The following DLC1 variants were observed in gnomAD, a reference collection of about 807,000 sequenced individuals.
DLC1 encodes the protein DLC1 Rho GTPase activating protein.
In DLC1, 54 loss-of-function variants were observed where a neutral mutation model predicts 140.3. The ratio of observed to expected loss-of-function variants is 0.38; its 90% CI spans 0.31 to 0.48. The LOEUF (loss-of-function observed/expected upper bound fraction) is 0.48. Ranked by LOEUF, DLC1 falls within the 20% of genes least tolerant of loss-of-function variation. The probability of loss-of-function intolerance (pLI) is 0.96; values close to 1 mark genes in which losing one functional copy is unlikely to be tolerated. For synonymous variants in DLC1, 986 were observed against 728.1 expected, an observed-to-expected ratio of 1.35 and a Z score of -5.70; for missense variants, 2,536 against 1,907.0, an observed-to-expected ratio of 1.33 and a Z score of -6.14.
rs374824320 is a variant in DLC1, at chr8:13,576,192, A to G, written c.-126+28345T>C. On this transcript the variant is annotated intron_variant, in intron 1 of 1. Coordinates refer to the DLC1 transcript ENST00000631382. ...ATCATGTATAGTTTTAATACTCTAC[A>G]TAAAGTGTAATAACCCGCATTGCTG... 4.9e-4 allele frequency among the ~76,000 whole-genome samples: 74 copies of G among 152,344 alleles called. 2 individuals are homozygous for G. In the South Asian group the frequency reaches 0.014, roughly 29 times the overall value.
rs1586220042 is a variant in DLC1 at position 13,368,545 on chromosome 8, T to G, written c.1314+25008A>C. ...TTAAATTTTTTTTTTTTTTTCTGCA[T>G]AGAAAAAAAAGTTCTTACAGAATGC... On this transcript the variant is annotated intron_variant, in intron 4 of 17. Transcript: ENST00000276297. 2.0e-5 allele frequency among the ~76,000 whole-genome samples: 3 copies of G among 150,658 alleles called. No individual in the cohort carries two copies. The South Asian group carries it at 6.3e-4, about 32-fold the overall frequency.
Position 13,099,349 on chromosome 8 carries a change from G to C in DLC1, c.2988C>G (p.Asn996Lys), listed in dbSNP as rs1276164373. ...GGAGGCAGGAGAAAAGTTCTTACCT[G>C]TTGGACCTGGTTAGGGAAGCCCCAA... ...SGVGASLTRS[N>K]RHRLRWHSFQ... Residue 996 changes from asparagine to lysine, a missense_variant and splice_region_variant, in exon 9 of 18, where the codon AAC becomes AAG. Physicochemically the swap from Asn to Lys is moderately conservative, Grantham distance 94 (BLOSUM62 0). Transcript: ENST00000276297. 5 of 1,612,746 alleles carry C rather than the reference G, an allele frequency of 3.1e-6. No individual in the cohort carries two copies. Among genetic ancestry groups the C allele is most frequent in the South Asian group, 2.2e-5 (2 of 90,896 alleles).
chr8:13,136,619 G>A (rs1822576991), intron 5 of DLC1, among the ~76,000 whole-genome samples: 1 of 152,190 alleles, frequency 6.6e-6, no homozygotes, highest in Non-Finnish European at 1.5e-5. Context: ...CTGAGGACAA[G>A]AGGATCCCAG....
At chr8:13,559,839 G>T (rs1277710610) in intron 1 of DLC1, among the ~76,000 whole-genome samples, 1 of 152,120 alleles carries the variant, frequency 6.6e-6, no homozygotes, top group Non-Finnish European at 1.5e-5. Context: ...ATTATATTTA[G>T]AATCTCATTT....
intron 1 of DLC1, among the ~76,000 whole-genome samples, chr8:13,555,388 A>G (rs1162989391): frequency 5.9e-5 from 9 of 152,214 alleles, no homozygotes; most frequent in Admixed American, 4.6e-4. Flanking sequence ...CAAGATAGCC[A>G]TAGCAACTTC....
At chr8:13,307,798 A>C (rs2117532892) in intron 4 of DLC1, among the ~76,000 whole-genome samples, 1 of 152,342 alleles carries the variant, frequency 6.6e-6, no homozygotes, top group Non-Finnish European at 1.5e-5. Flanking sequence ...AAATCCTGGA[A>C]GGTAAAGTAA....
chr8:13,093,526 T>C (rs1563575165), intron 12 of DLC1, among the ~76,000 whole-genome samples: 1 of 152,180 alleles, frequency 6.6e-6, no homozygotes. Context: ...ATAAACAATC[T>C]ACAGGTAGAA....
At chr8:13,365,352 G>A (rs1016973659) in intron 4 of DLC1, among the ~76,000 whole-genome samples, 1 of 152,136 alleles carries the variant, frequency 6.6e-6, no homozygotes, top group African/African-American at 2.4e-5. Flanking sequence ...CCACGCCTTT[G>A]GTGGTAAGTG....
At chr8:13,451,037 CAAAAAAAAAAAAAAAAAAAA>C (rs1169620786) in intron 2 of DLC1, among the ~76,000 whole-genome samples, 1 of 18,380 alleles carries the variant, frequency 5.4e-5, no homozygotes, top group Non-Finnish European at 1.4e-4. Flanking sequence ...GACTCCGTCT[CAAAAAAAAAAAAAAAAAAAA>C]AAAAAAAAAA....
chr8:13,166,750 C>G (rs1825133623), intron 5 of DLC1, among the ~76,000 whole-genome samples: 1 of 149,636 alleles, frequency 6.7e-6, no homozygotes, highest in Non-Finnish European at 1.5e-5. Flanking sequence ...CACCTCTGAT[C>G]ATGTATCTGG....
At chr8:13,421,899 C>G (rs1002990770) in intron 2 of DLC1, among the ~76,000 whole-genome samples, 8 of 152,094 alleles carry the variant, frequency 5.3e-5, no homozygotes, top group African/African-American at 1.9e-4. Flanking sequence ...ATGTATCTAA[C>G]TTGTTCTCCA....
intron 1 of DLC1, among the ~76,000 whole-genome samples, chr8:13,569,728 T>C (rs143324504): frequency 1.1e-3 from 174 of 152,326 alleles, no homozygotes; most frequent in African/African-American, 4.1e-3. Flanking sequence ...AATTTGTTAC[T>C]TATTTATTAT....
At chr8:13,300,941 G>T (rs148714167) in intron 5 of DLC1, among the ~76,000 whole-genome samples, 49 of 152,286 alleles carry the variant, frequency 3.2e-4, no homozygotes, top group African/African-American at 1.1e-3. Flanking sequence ...GAAAGTGAAG[G>T]CCTGCATGGA....
chr8:13,315,515 G>C (rs1160770494), intron 4 of DLC1, among the ~76,000 whole-genome samples: 1 of 152,214 alleles, frequency 6.6e-6, no homozygotes, highest in African/African-American at 2.4e-5. Flanking sequence ...GCTCTGTGGT[G>C]TCAGAAAGAC....
At chr8:13,143,347 G>A (rs1421990393) in intron 5 of DLC1, among the ~76,000 whole-genome samples, 1 of 152,214 alleles carries the variant, frequency 6.6e-6, no homozygotes, top group African/African-American at 2.4e-5. Context: ...TGGAGTCAAT[G>A]TCCCCTTCCC....
intron 1 of DLC1, among the ~76,000 whole-genome samples, chr8:13,582,903 T>C (rs1245761470): frequency 6.4e-5 from 8 of 125,638 alleles, no homozygotes; most frequent in African/African-American, 1.4e-4. Context: ...TATATATATA[T>C]ATATATATAT....
At chr8:13,290,949 C>T (rs932105077) in intron 5 of DLC1, among the ~76,000 whole-genome samples, 1 of 152,136 alleles carries the variant, frequency 6.6e-6, no homozygotes, top group Non-Finnish European at 1.5e-5. Flanking sequence ...ATTCTCACTG[C>T]CCAGGCTGGA....
At chr8:13,230,504 T>C (rs80087951) in intron 5 of DLC1, among the ~76,000 whole-genome samples, 9,392 of 152,288 alleles carry the variant, frequency 0.062, 359 homozygotes, top group South Asian at 0.14. Context: ...TTTGATAACT[T>C]GAGGCATTTA....
chr8:13,453,447 T>TAC lies in DLC1; in HGVS notation c.1023+45600_1023+45601dup, dbSNP rs1368938096. ...ATGTGTATATATATATGTATATATATACATATATATATGTATATATATACA... is the reference window on the plus strand; with the variant it reads ...ATGTGTATATATATATGTATATATATACACATATATATATGTATATATATACA... On this transcript the variant is annotated intron_variant, in intron 2 of 17. Transcript: ENST00000276297. 2.8e-3 allele frequency among the ~76,000 whole-genome samples: 98 copies of TAC among 34,556 alleles called. 4 individuals are homozygous for TAC. Among genetic ancestry groups the TAC allele is most frequent in the Non-Finnish European group, 4.6e-3 (87 of 18,942 alleles). The allele number at this position is 34,556 out of a possible 152,430, so 22.7% of individuals were successfully genotyped here.
Sources: allele counts gnomAD v4.1 joint callset (sites outside exome capture counted in the v4.1 genomes callset), GRCh38; gene constraint gnomAD v4.1.1; transcripts MANE v1.5; gene names NCBI Gene and HGNC (gene_info 2026-07-23, HGNC 2026-07-21).